The following ZBTB7C variants were observed in gnomAD, a reference collection of about 807,000 sequenced individuals.
The protein encoded by ZBTB7C is zinc finger and BTB domain-containing protein 7C.
ZBTB7C carries 8 observed loss-of-function variants against 25.7 expected under a neutral mutation model. That is an observed-to-expected ratio of 0.31 (90% CI 0.18 to 0.56). The LOEUF is 0.56. ZBTB7C is among the 20% of genes least tolerant of loss of function. The pLI, the probability that ZBTB7C is intolerant of heterozygous loss-of-function variation, is 0.91. For missense variants in ZBTB7C, 824 were observed against 855.2 expected, an observed-to-expected ratio of 0.96 and a Z score of 0.46; for synonymous variants, 394 against 369.0, an observed-to-expected ratio of 1.07 and a Z score of -0.78.
intron 3 of ZBTB7C, among the ~76,000 whole-genome samples, chr18:48,121,462 T>C (rs1432928623): frequency 3.3e-5 from 5 of 152,048 alleles, no homozygotes; most frequent in Admixed American, 3.3e-4. Context: ...ATTTAAGCGA[T>C]GTACACATTA....
intron 1 of ZBTB7C, among the ~76,000 whole-genome samples, chr18:48,373,635 T>C (rs1397715324): frequency 6.6e-6 from 1 of 152,140 alleles, no homozygotes; most frequent in Non-Finnish European, 1.5e-5. Context: ...ATAAGTGAGC[T>C]CTCATTCTGA....
intron 1 of ZBTB7C, among the ~76,000 whole-genome samples, chr18:48,403,404 G>C (rs71355341): frequency 0.072 from 10,968 of 152,250 alleles, 514 homozygotes; most frequent in South Asian, 0.1. Context: ...CTGCCTACAT[G>C]AGAGTATGTA....
At chr18:48,218,693 G>C (rs1034546100) in intron 2 of ZBTB7C, among the ~76,000 whole-genome samples, 1 of 152,156 alleles carries the variant, frequency 6.6e-6, no homozygotes, top group African/African-American at 2.4e-5. Flanking sequence ...TGCTCTCCTT[G>C]GCCTAAGAAC....
intron 1 of ZBTB7C, among the ~76,000 whole-genome samples, chr18:48,367,175 T>TTATATATATATATATATATATA (rs71165321): frequency 8.5e-4 from 53 of 62,198 alleles, no homozygotes; most frequent in African/African-American, 1.3e-3. Flanking sequence ...TCCCCAAGTT[T>TTATATATATATATATATATATA]TATATATATA....
At chr18:48,169,247 C>CA in intron 3 of ZBTB7C, among the ~76,000 whole-genome samples, 1 of 152,212 alleles carries the variant, frequency 6.6e-6, no homozygotes, top group East Asian at 1.9e-4. Flanking sequence ...ATAAAATGGG[C>CA]ACAGTACTCC....
chr18:48,076,766 C>T lies in ZBTB7C; in HGVS notation c.-16-35643G>A, dbSNP rs8086482. Among the ~76,000 whole-genome samples the T allele has an allele frequency of 8.5e-3, 1,287 of 152,268 alleles. 21 individuals carry two copies. The highest frequency in any genetic ancestry group is 0.029 in the African/African-American group (1,215 of 41,550). ...GCTATTATGAGGGCTCCACAGGGAA[C>T]CTTCTAGACTTGCATGTTGGAGCCA... On this transcript the variant is annotated intron_variant, in intron 3 of 4. Transcript: ENST00000590800.
chr18:48,193,671 T>A (rs2042251994), intron 2 of ZBTB7C, among the ~76,000 whole-genome samples: 1 of 152,070 alleles, frequency 6.6e-6, no homozygotes, highest in African/African-American at 2.4e-5. Flanking sequence ...TTTGCTCCCC[T>A]CCCCAGCAGG....
intron 3 of ZBTB7C, among the ~76,000 whole-genome samples, chr18:48,048,907 G>A (rs757034686): frequency 6.6e-6 from 1 of 152,044 alleles, no homozygotes; most frequent in African/African-American, 2.4e-5. Flanking sequence ...CAAATTTTAC[G>A]TCCATTTTAC....
intron 2 of ZBTB7C, among the ~76,000 whole-genome samples, chr18:48,330,027 A>C (rs1318557661): frequency 6.6e-6 from 1 of 152,228 alleles, no homozygotes; most frequent in Admixed American, 6.5e-5. Context: ...CTGAGCTCAA[A>C]GCTGAGGTTC....
chr18:48,278,672 C>G (rs887639808), intron 2 of ZBTB7C, among the ~76,000 whole-genome samples: 1 of 152,180 alleles, frequency 6.6e-6, no homozygotes, highest in Non-Finnish European at 1.5e-5. Flanking sequence ...TCATGATCCA[C>G]CTGCCTCAGC....
intron 2 of ZBTB7C, among the ~76,000 whole-genome samples, chr18:48,272,684 C>T (rs185412016): frequency 6.6e-6 from 1 of 152,144 alleles, no homozygotes; most frequent in Non-Finnish European, 1.5e-5. Context: ...AACATCTGCC[C>T]TCACAAAAAC....
intron 3 of ZBTB7C, among the ~76,000 whole-genome samples, chr18:48,049,867 A>G (rs2036614872): frequency 6.6e-6 from 1 of 152,052 alleles, no homozygotes; most frequent in Non-Finnish European, 1.5e-5. Context: ...TGGGCTCAGG[A>G]TGGTGGTTCC....
intron 3 of ZBTB7C, among the ~76,000 whole-genome samples, chr18:48,083,691 G>T (rs2038078930): frequency 6.6e-6 from 1 of 152,034 alleles, no homozygotes; most frequent in South Asian, 2.1e-4. Flanking sequence ...GGGCTTTACT[G>T]CTCCATACAG....
intron 4 of ZBTB7C, among the ~76,000 whole-genome samples, chr18:48,035,851 C>G (rs1320877842): frequency 6.6e-6 from 1 of 152,236 alleles, no homozygotes; most frequent in Non-Finnish European, 1.5e-5. Flanking sequence ...TGAAGAGGAT[C>G]TAAGGTAATC....
At chr18:48,188,180 A>T (rs1473557891) in intron 2 of ZBTB7C, among the ~76,000 whole-genome samples, 2 of 152,314 alleles carry the variant, frequency 1.3e-5, no homozygotes, top group East Asian at 3.9e-4. Context: ...GGACAGTGTG[A>T]CTGGGCCAGG....
At chr18:48,110,842 A>T (rs2039212781) in intron 3 of ZBTB7C, among the ~76,000 whole-genome samples, 1 of 152,098 alleles carries the variant, frequency 6.6e-6, no homozygotes, top group African/African-American at 2.4e-5. Flanking sequence ...GGTGACTGGA[A>T]CCACGTTCTT....
At chr18:48,222,903 G>A (rs1473453938) in intron 2 of ZBTB7C, among the ~76,000 whole-genome samples, 1 of 152,198 alleles carries the variant, frequency 6.6e-6, no homozygotes, top group African/African-American at 2.4e-5. Context: ...GCAGAGGAGA[G>A]GGGAAGAGGC....
At chr18:48,227,472 A>G (rs1454341225) in intron 2 of ZBTB7C, among the ~76,000 whole-genome samples, 1 of 152,140 alleles carries the variant, frequency 6.6e-6, no homozygotes, top group Non-Finnish European at 1.5e-5. Context: ...CTTACTTGGA[A>G]CGGCCTCCGC....
intron 2 of ZBTB7C, among the ~76,000 whole-genome samples, chr18:48,205,882 CA>C (rs2042565739): frequency 6.6e-6 from 1 of 152,134 alleles, no homozygotes; most frequent in Non-Finnish European, 1.5e-5. Flanking sequence ...ACACTACCCC[CA>C]AGCTGGGCTG....
Sources: gnomAD v4.1 joint callset for allele counts (sites outside exome capture counted in the v4.1 genomes callset) on GRCh38, gnomAD v4.1.1 for gene constraint, MANE v1.5 for transcripts, NCBI Gene and HGNC (gene_info 2026-07-23, HGNC 2026-07-21) for gene names.